The following LRMDA variants were observed in gnomAD, a reference collection of about 807,000 sequenced individuals.
LRMDA encodes leucine-rich melanocyte differentiation-associated protein.
Under a neutral mutation model 29.8 loss-of-function variants are expected in LRMDA, and 18 were observed. That is an observed-to-expected ratio of 0.60 (90% CI 0.42 to 0.90). The LOEUF (loss-of-function observed/expected upper bound fraction) is 0.90. Among genes scored for constraint, LRMDA ranks in the 40% least tolerant of loss-of-function variants. The probability of loss-of-function intolerance (pLI) is 0.00; values close to 1 mark genes in which losing one functional copy is unlikely to be tolerated. For missense variants in LRMDA, 273 were observed against 273.9 expected (o/e 1.00, Z 0.02); for synonymous variants, 125 against 109.4 (o/e 1.14, Z -0.89).
At chr10:75,505,570 C>T (rs1189133325) in intron 2 of LRMDA, among the ~76,000 whole-genome samples, 1 of 152,312 alleles carries the variant, frequency 6.6e-6, no homozygotes, top group Non-Finnish European at 1.5e-5. Context: ...ACAGTCTCTC[C>T]TGCATCCCAT....
In LRMDA at chr10:75,431,652, C is replaced by T. The variant is rs1844195319; in HGVS notation, c.-73C>T. On this transcript the variant is annotated 5_prime_UTR_variant, in exon 1 of 7. Transcript: ENST00000611255. ...GCGGAACTGTGCGCCCGCCGCGCTC[C>T]CCTGCCGCGCTCCCCGCTGCTGCCG... 1.7e-6 allele frequency: 2 copies of T among 1,209,862 alleles called. No homozygotes were observed. The highest frequency in any genetic ancestry group is 2.1e-6 in the Non-Finnish European group (2 of 973,014). The allele number at this position is 1,209,862 out of a possible 1,614,324, so 74.9% of individuals were successfully genotyped here.
At chr10:76,463,917 A>ATTTTTTTTTTTTTTTTTTTTTTTT (rs763472626) in intron 6 of LRMDA, among the ~76,000 whole-genome samples, 1 of 112,884 alleles carries the variant, frequency 8.9e-6, no homozygotes, top group Non-Finnish European at 1.8e-5. Context: ...TGCAAAATAA[A>ATTTTTTTTTTTTTTTTTTTTTTTT]TTTTTTTTTT....
chr10:75,455,644 A>G (rs1844506857), intron 2 of LRMDA, among the ~76,000 whole-genome samples: 1 of 152,166 alleles, frequency 6.6e-6, no homozygotes, highest in Non-Finnish European at 1.5e-5. Context: ...AAAGCAGGTA[A>G]AATGACCCAG....
chr10:76,543,351 T>TA (rs2132387289), intron 6 of LRMDA, among the ~76,000 whole-genome samples: 1 of 123,820 alleles, frequency 8.1e-6, no homozygotes, highest in South Asian at 2.4e-4. Flanking sequence ...TGTGTGTGTG[T>TA]GTGTGTGTGT....
intron 2 of LRMDA, among the ~76,000 whole-genome samples, chr10:75,469,518 T>C (rs1844700608): frequency 6.6e-6 from 1 of 152,118 alleles, no homozygotes; most frequent in Non-Finnish European, 1.5e-5. Context: ...GCATTTGTTT[T>C]TAGCTTCCTG....
intron 1 of LRMDA, among the ~76,000 whole-genome samples, chr10:75,432,874 C>T (rs899412838): frequency 5.9e-5 from 9 of 152,126 alleles, no homozygotes. Context: ...CTACTGTATG[C>T]CAGGCACCAT....
chr10:75,475,144 G>C (rs530921672), intron 2 of LRMDA, among the ~76,000 whole-genome samples: 1 of 152,146 alleles, frequency 6.6e-6, no homozygotes. Context: ...CATCTGATGG[G>C]GCCTGATGCT....
intron 2 of LRMDA, among the ~76,000 whole-genome samples, chr10:75,540,908 CAG>C (rs1840007528): frequency 6.6e-6 from 1 of 151,796 alleles, no homozygotes; most frequent in Non-Finnish European, 1.5e-5. Flanking sequence ...ATGGTGAATG[CAG>C]AGTCAATAAA....
intron 5 of LRMDA, among the ~76,000 whole-genome samples, chr10:76,135,518 A>G (rs1419286946): frequency 6.6e-6 from 1 of 152,206 alleles, no homozygotes; most frequent in Non-Finnish European, 1.5e-5. Context: ...AAACTGCTGT[A>G]ACAAAGCACA....
At position 76,188,935 on chromosome 10, in the gene LRMDA, T is replaced by TACACACAC. The variant is rs3998129; in HGVS notation, c.516+130180_516+130187dup. Reference sequence around the variant, plus strand: ...ATGCCTCTAGGCGAATGATTGCATGTACACACACACACACACACACACACA... The same window carrying TACACACAC: ...ATGCCTCTAGGCGAATGATTGCATGTACACACACACACACACACACACACACACACACA... On this transcript the variant is annotated intron_variant, in intron 5 of 6. Transcript: ENST00000611255. Among the ~76,000 whole-genome samples the TACACACAC allele has an allele frequency of 8.2e-3, 1,167 of 141,708 alleles. 14 individuals carry two copies. The highest frequency in any genetic ancestry group is 0.025 in the African/African-American group (1,002 of 39,818). 93.0% of individuals were successfully genotyped at this position (141,708 alleles called of 152,430 possible).
At chr10:76,287,843 C>T (rs935626058) in intron 5 of LRMDA, among the ~76,000 whole-genome samples, 1 of 152,154 alleles carries the variant, frequency 6.6e-6, no homozygotes, top group African/African-American at 2.4e-5. Context: ...CTAATAAGAA[C>T]CTTAATTCCA....
chr10:76,230,129 A>G (rs930099585), intron 5 of LRMDA, among the ~76,000 whole-genome samples: 2 of 152,008 alleles, frequency 1.3e-5, no homozygotes, highest in Non-Finnish European at 1.5e-5. Flanking sequence ...TACCTACTGT[A>G]ACACCCTAAC....
intron 2 of LRMDA, among the ~76,000 whole-genome samples, chr10:75,470,769 C>T (rs775927488): frequency 3.3e-5 from 5 of 152,152 alleles, no homozygotes; most frequent in African/African-American, 1.2e-4. Flanking sequence ...TCCCAGGGTA[C>T]ATAAGGTTGT....
intron 2 of LRMDA, among the ~76,000 whole-genome samples, chr10:75,926,683 T>G (rs1413847347): frequency 2.0e-5 from 3 of 152,230 alleles, no homozygotes; most frequent in Admixed American, 2.0e-4. Context: ...GCACGTCTTG[T>G]GGATTGCAGT....
chr10:76,338,676 AAGAC>A (rs984341048), intron 6 of LRMDA, among the ~76,000 whole-genome samples: 21 of 151,470 alleles, frequency 1.4e-4, no homozygotes, highest in African/African-American at 4.1e-4. Flanking sequence ...ACTAGACTAA[AAGAC>A]AGAGCACTAC....
chr10:76,155,317 A>G (rs1028613750), intron 5 of LRMDA, among the ~76,000 whole-genome samples: 1 of 152,112 alleles, frequency 6.6e-6, no homozygotes, highest in African/African-American at 2.4e-5. Context: ...ATTTGCTGGC[A>G]GTAACCTGAA....
intron 2 of LRMDA, among the ~76,000 whole-genome samples, chr10:75,878,592 C>T (rs1360403112): frequency 6.6e-6 from 1 of 151,938 alleles, no homozygotes; most frequent in East Asian, 1.9e-4. Flanking sequence ...TTTTTATGAG[C>T]ACAGGATTGG....
chr10:75,837,443 C>T (rs1431998343), intron 2 of LRMDA, among the ~76,000 whole-genome samples: 1 of 152,066 alleles, frequency 6.6e-6, no homozygotes, highest in Non-Finnish European at 1.5e-5. Context: ...GGACAATTGT[C>T]ATATCTTTCA....
chr10:75,855,847 T>C (rs544639032), intron 2 of LRMDA, among the ~76,000 whole-genome samples: 2 of 152,354 alleles, frequency 1.3e-5, no homozygotes, highest in Admixed American at 1.3e-4. Context: ...CTTGTTTTTG[T>C]CAGGCTTGTC....
Sources: gnomAD v4.1 joint callset for allele counts (sites outside exome capture counted in the v4.1 genomes callset) on GRCh38, gnomAD v4.1.1 for gene constraint, MANE v1.5 for transcripts, NCBI Gene and HGNC (gene_info 2026-07-23, HGNC 2026-07-21) for gene names.